TGM1: variants seen among roughly 807,000 people sequenced by gnomAD.
TGM1 encodes the protein transglutaminase 1, also known as protein-glutamine gamma-glutamyltransferase K.
TGM1 carries 63 observed loss-of-function variants against 88.7 expected under a neutral mutation model. That is an observed-to-expected ratio of 0.71 (90% CI 0.58 to 0.88). The LOEUF is 0.88. Ranked by LOEUF, TGM1 falls within the 40% of genes least tolerant of loss-of-function variation. TGM1 has a pLI of 0.00. For synonymous variants in TGM1, 415 were observed against 431.1 expected, an observed-to-expected ratio of 0.96 and a Z score of 0.46; for missense variants, 996 against 1,118.0, an observed-to-expected ratio of 0.89 and a Z score of 1.56.
chr14:24,254,527 C>T (rs2040727841), intron 13 of TGM1, 137 bp downstream of exon 13: 1 of 1,400,086 alleles, frequency 7.1e-7, no homozygotes, highest in Admixed American at 2.0e-5. Context: ...AACTGAGGCC[C>T]CAGAGCCGGT....
Position 24,255,185 on chromosome 14 carries a change from T to G in TGM1, c.1714A>C (p.Asn572His), listed in dbSNP as rs746018070. 7 of 1,614,038 alleles carry G rather than the reference T, an allele frequency of 4.3e-6. No individual in the cohort carries two copies. The Admixed American group carries it at 1.2e-4, about 27-fold the overall frequency. The change falls in exon 12 of 15, where the codon AAC becomes CAC. Residue 572 changes from asparagine to histidine, a missense_variant. By Grantham distance (68) the Asn-to-His change is moderately conservative. Coordinates refer to ENST00000206765, the MANE Select transcript of TGM1 (RefSeq NM_000359.3). The surrounding 1 kb of genome is among the most constrained non-coding windows in gnomAD (Gnocchi z 4.0). ...GCCACATCCTCCGCTGAGCCCCGGT[T>G]GGCATACACATTGGGTTTGCTGCCG... Reference protein sequence around the residue: ...AHGSKPNVYANRGSAEDVAMQ... With the variant: ...AHGSKPNVYAHRGSAEDVAMQ...
At chr14:24,249,760 C>T (rs2040685151) in intron 14 of TGM1, among the ~76,000 whole-genome samples, 2 of 152,228 alleles carry the variant, frequency 1.3e-5, no homozygotes, top group South Asian at 2.1e-4. Flanking sequence ...GAACTCTCCC[C>T]ATCGTCTGGG....
rs750572581 is a variant in TGM1 at position 24,261,663 on chromosome 14, C to T, written c.508+32G>A. 1.9e-6 allele frequency: 3 copies of T among 1,613,490 alleles called. No individual in the cohort carries two copies. The South Asian group carries it at 3.3e-5, about 18-fold the overall frequency. On this transcript the variant is annotated intron_variant, in intron 3 of 14. Transcript: ENST00000206765. Reference sequence around the variant, plus strand: ...CAGCCTCTCCCCACCAAACATAGGGCCTTCACCCGTCCCAATCCAAGCCCC... The same window carrying T: ...CAGCCTCTCCCCACCAAACATAGGGTCTTCACCCGTCCCAATCCAAGCCCC...
In TGM1 at chr14:24,262,148, T is replaced by C. The variant is rs769930720; in HGVS notation, c.205A>G (p.Arg69Gly). 1 of 1,613,672 alleles carries C rather than the reference T, an allele frequency of 6.2e-7. No homozygotes were observed. Among genetic ancestry groups the C allele is most frequent in the Non-Finnish European group, 8.5e-7 (1 of 1,180,022 alleles). ...DDWGPEPSDS[R>G]GRGSSSGTRR... is the part of the protein sequence containing the mutation. ...GTGCCAGAGCTGGACCCTCGACCCC[T>C]GGAGTCAGAGGGTTCAGGTCCCCAG... Residue 69 changes from arginine to glycine, a missense_variant, in exon 2 of 15, where the codon AGG (arginine) becomes GGG (glycine). Transcript: ENST00000206765.
chr14:24,251,903 C>G (rs2040704111), intron 14 of TGM1, among the ~76,000 whole-genome samples: 1 of 152,176 alleles, frequency 6.6e-6, no homozygotes, highest in Non-Finnish European at 1.5e-5. Context: ...GGCAGACTGA[C>G]CACTCTGAGG....
At chr14:24,258,255 G>C in intron 9 of TGM1, 30 bp downstream of exon 9, 3 of 1,550,626 alleles carry the variant, frequency 1.9e-6, no homozygotes, top group Non-Finnish European at 1.8e-6. Flanking sequence ...ATAAGCAGGG[G>C]CATGGTGGGG....
chr14:24,250,318 C>T (rs576366022), intron 14 of TGM1, among the ~76,000 whole-genome samples: 7 of 152,222 alleles, frequency 4.6e-5, no homozygotes, highest in East Asian at 3.9e-4. Context: ...AGTCCTCTAA[C>T]GGGACTCCTT....
At position 24,259,241 on chromosome 14, in the gene TGM1, G is replaced by A; in HGVS notation, c.993C>T (p.Ser331=). The A allele has an allele frequency of 6.2e-7, 1 of 1,612,606 alleles. No individual in the cohort carries two copies. Among genetic ancestry groups the A allele is most frequent in the Non-Finnish European group, 8.5e-7 (1 of 1,179,332 alleles). The part of the protein sequence containing the change: ...VSRVISAMVN[S]LDDNGVLIGN... ...CAATCAGGACTCCATTGTCATCCAG[G>A]GAGTTCACCTGCCCAGGACAGGATG... Residue 331 remains serine, a synonymous_variant, in exon 7 of 15, where the codon TCC becomes TCT. Transcript: ENST00000206765. This position sits in a 1 kb window ranked among gnomAD's most constrained non-coding sequence, Gnocchi z 5.7.
Position 24,262,197 on chromosome 14 carries a change from T to G in TGM1, c.156A>C (p.Ser52=). The G allele has an allele frequency of 6.2e-7, 1 of 1,613,724 alleles. No homozygotes were observed. Among genetic ancestry groups the G allele is most frequent in the Non-Finnish European group, 8.5e-7 (1 of 1,180,034 alleles). Residue 52 remains serine, a synonymous_variant, in exon 2 of 15, where the codon TCA becomes TCC. Transcript: ENST00000206765. ...AGTCGTCATCTGCCGCATTTCGGCA[T>G]GAACAGCAGCCACAGCAGCGAGCCC... ...SFWARCCGCC[S]CRNAADDDWG...
intron 14 of TGM1, among the ~76,000 whole-genome samples, chr14:24,253,232 A>G (rs1247470993): frequency 1.3e-5 from 2 of 152,226 alleles, no homozygotes; most frequent in Non-Finnish European, 2.9e-5. Flanking sequence ...AATGGCAATA[A>G]TAAAAATAAC....
At chr14:24,261,607 A>C in intron 3 of TGM1, 88 bp downstream of exon 3, 3 of 1,508,492 alleles carry the variant, frequency 2.0e-6, no homozygotes, top group South Asian at 1.1e-5. Context: ...TGGGGCAGGG[A>C]GGAGCCTAAA....
chr14:24,254,534 C>G, intron 13 of TGM1, 130 bp downstream of exon 13: 1 of 1,439,176 alleles, frequency 6.9e-7, no homozygotes, highest in Non-Finnish European at 9.6e-7. Context: ...GCCCCAGAGC[C>G]GGTCCTTGAC....
In TGM1 at chr14:24,255,639, C is replaced by T; in HGVS notation, c.1492-122G>A. 3 of 1,366,576 alleles carry T rather than the reference C, an allele frequency of 2.2e-6. No homozygotes were observed. The highest frequency in any genetic ancestry group is 3.1e-6 in the Non-Finnish European group (3 of 982,686). The allele number at this position is 1,366,576 out of a possible 1,614,324, so 84.7% of individuals were successfully genotyped here. On this transcript the variant is annotated intron_variant, in intron 10 of 14. Coordinates refer to ENST00000206765, the MANE Select transcript of TGM1 (RefSeq NM_000359.3). This position sits in a 1 kb window ranked among gnomAD's most constrained non-coding sequence, Gnocchi z 4.0. ...CAGGGCTTGGTCCCAAGGGTGGGAG[C>T]TTCCTGGCAGAGCCCAAGGGGAGAC... is the stretch of plus-strand genomic sequence containing the variant.
At chr14:24,254,574 C>A (rs755296927) in intron 13 of TGM1, 90 bp downstream of exon 13, 93 of 1,591,000 alleles carry the variant, frequency 5.8e-5, no homozygotes, top group Non-Finnish European at 7.9e-5. Context: ...TCAGGCCAGC[C>A]TGCTGCTGGC....
At chr14:24,260,181 C>T in intron 4 of TGM1, 123 bp from the exon 5 acceptor site, 1 of 1,022,532 alleles carries the variant, frequency 9.8e-7, no homozygotes, top group Non-Finnish European at 1.5e-6. Context: ...CCTAGCCTGA[C>T]AGGACTGCTG....
In TGM1 at chr14:24,259,989, T is replaced by C; in HGVS notation, c.827A>G (p.Tyr276Cys). ...EYVLNESGRIYYGTEAQIGER... is the reference protein window; with the variant it reads ...EYVLNESGRICYGTEAQIGER... ...ACCAATCTGTGCTTCGGTCCCGTAG[T>C]AAATTCTCCCAGACTCATTAAGAAC... The change falls in exon 5 of 15, where the codon TAC (tyrosine) becomes TGC (cysteine). Residue 276 changes from tyrosine to cysteine, a missense_variant. Transcript: ENST00000206765. This position sits in a 1 kb window ranked among gnomAD's most constrained non-coding sequence, Gnocchi z 5.7. 3 of 1,614,218 alleles carry C rather than the reference T, an allele frequency of 1.9e-6. No individual in the cohort carries two copies. Among genetic ancestry groups the C allele is most frequent in the Non-Finnish European group, 2.5e-6 (3 of 1,180,038 alleles).
chr14:24,259,646 G>A lies in TGM1; in HGVS notation c.984+58C>T, dbSNP rs1023983632. On this transcript the variant is annotated intron_variant, in intron 6 of 14. Coordinates refer to ENST00000206765, the MANE Select transcript of TGM1 (RefSeq NM_000359.3). The surrounding 1 kb of genome is among the most constrained non-coding windows in gnomAD (Gnocchi z 5.7). ...CCAGAAAGGGCAGGAGGAGGGTGGGGGTGTGGCGAGGCAGCAGGCACACAC... is the reference window on the plus strand; with the variant it reads ...CCAGAAAGGGCAGGAGGAGGGTGGGAGTGTGGCGAGGCAGCAGGCACACAC... The A allele has an allele frequency of 4.3e-6, 6 of 1,395,288 alleles. No homozygotes were observed. The highest frequency in any genetic ancestry group is 6.0e-6 in the Non-Finnish European group (6 of 999,956). The allele number at this position is 1,395,288 out of a possible 1,614,324, so 86.4% of individuals were successfully genotyped here.
At chr14:24,262,874 G>A (rs2040826380) in intron 1 of TGM1, among the ~76,000 whole-genome samples, 1 of 152,240 alleles carries the variant, frequency 6.6e-6, no homozygotes, top group Non-Finnish European at 1.5e-5. Context: ...TCCCAAGTCA[G>A]GGAAGACCCC....
rs375366569 is a variant in TGM1, at chr14:24,260,090, C to T, written c.758-32G>A. 1.3e-5 allele frequency: 20 copies of T among 1,568,552 alleles called. No homozygotes were observed. In the African/African-American group the frequency reaches 1.9e-4, roughly 15 times the overall value. On this transcript the variant is annotated intron_variant, in intron 4 of 14. Coordinates refer to ENST00000206765, the MANE Select transcript of TGM1 (RefSeq NM_000359.3). ...CCCCAGAACACACAAAACTGGTTCCCTCCAGTTCTCTCCCTGGGCCTCACC... is the reference window on the plus strand; with the variant it reads ...CCCCAGAACACACAAAACTGGTTCCTTCCAGTTCTCTCCCTGGGCCTCACC...
Sources: allele counts gnomAD v4.1 joint callset (sites outside exome capture counted in the v4.1 genomes callset), GRCh38; gene constraint gnomAD v4.1.1; non-coding constraint Gnocchi (gnomAD v3.1); transcripts MANE v1.5; gene names NCBI Gene and HGNC (gene_info 2026-07-23, HGNC 2026-07-21).